The following RAB5IF variants were observed in gnomAD, a reference collection of about 807,000 sequenced individuals.
RAB5IF encodes the protein GEL complex subunit OPTI.
A neutral mutation model predicts 20.3 loss-of-function variants in RAB5IF; 15 were observed. That is an observed-to-expected ratio of 0.74 (90% confidence interval 0.50 to 1.14). RAB5IF has a LOEUF of 1.14. Among genes scored for constraint, RAB5IF ranks in the 50% most tolerant of loss-of-function variants. The pLI is 0.00. For missense variants in RAB5IF, 148 were observed against 159.5 expected (o/e 0.93, Z 0.39); for synonymous variants, 67 against 63.7 (o/e 1.05, Z -0.25).
At position 36,607,797 on chromosome 20, in the gene RAB5IF, G is replaced by A. The variant is rs769890443; in HGVS notation, c.197G>A (p.Arg66Gln). The A allele has an allele frequency of 9.3e-6, 15 of 1,613,904 alleles. No individual in the cohort carries two copies. Among genetic ancestry groups the A allele is most frequent in the South Asian group, 4.4e-5 (4 of 91,066 alleles). ...GTCATTTGGGGAGTTTTGCCATTAC[G>A]AGGGTTCTTGGGAATAGCAGGGTAA... ...LGVIWGVLPL[R>Q]GFLGIAGFCL... Residue 66 changes from arginine (R) to glutamine (Q), a missense_variant, in exon 2 of 4, where the codon CGA (arginine) becomes CAA (glutamine). Coordinates refer to ENST00000344795, the MANE Select transcript of RAB5IF (RefSeq NM_018840.5).
chr20:36,607,712 C>T lies in RAB5IF; in HGVS notation c.115-3C>T. The T allele has an allele frequency of 6.2e-7, 1 of 1,613,748 alleles. No individual in the cohort carries two copies. Among genetic ancestry groups the T allele is most frequent in the South Asian group, 1.1e-5 (1 of 91,054 alleles). On this transcript the variant is annotated splice_polypyrimidine_tract_variant and splice_region_variant and intron_variant, in intron 1 of 3. Transcript: ENST00000344795. ...ATTCTTGCATTTTCTGTCTTTTCTA[C>T]AGGATGAATTTTTAGATGTGATCTA...
At chr20:36,606,219 G>T (rs555748221) in intron 1 of RAB5IF, among the ~76,000 whole-genome samples, 154 bp downstream of exon 1, 1 of 152,302 alleles carries the variant, frequency 6.6e-6, no homozygotes, top group East Asian at 1.9e-4. Context: ...AACTTGGCGG[G>T]CACTGGGCGG....
In RAB5IF at chr20:36,612,145, G is replaced by T; in HGVS notation, c.*94G>T. On this transcript the variant is annotated 3_prime_UTR_variant, in exon 4 of 4. Coordinates refer to ENST00000344795, the MANE Select transcript of RAB5IF (RefSeq NM_018840.5). ...ATCGTTGGGGAACCCCAGCCCCTTGGAACTTGGAAGACCCGTGTTTCCTGG... is the reference window on the plus strand; with the variant it reads ...ATCGTTGGGGAACCCCAGCCCCTTGTAACTTGGAAGACCCGTGTTTCCTGG... 6.2e-7 allele frequency: 1 copy of T among 1,614,164 alleles called. No homozygotes were observed. The highest frequency in any genetic ancestry group is 8.5e-7 in the Non-Finnish European group (1 of 1,180,020).
At position 36,609,192 on chromosome 20, in the gene RAB5IF, CA is replaced by C. The variant is rs2039025129; in HGVS notation, c.219-408del. On this transcript the variant is annotated intron_variant, in intron 2 of 3. Coordinates refer to ENST00000344795, the MANE Select transcript of RAB5IF (RefSeq NM_018840.5). ...ACACACACACACACACACACACACACACGCACACACGCACACACGCACACAC... is the reference window on the plus strand; with the variant it reads ...ACACACACACACACACACACACACACCGCACACACGCACACACGCACACAC... Among the ~76,000 whole-genome samples, 2 of 52,242 alleles carry C rather than the reference CA, an allele frequency of 3.8e-5. 1 individual carries two copies. The highest frequency in any genetic ancestry group is 7.3e-5 in the Non-Finnish European group (2 of 27,534). The allele number at this position is 52,242 out of a possible 152,430, so 34.3% of individuals were successfully genotyped here. A position where few individuals can be genotyped will look rare whatever the true frequency, so the allele number is the denominator to read the frequency against.
rs539455523 is a variant in RAB5IF at position 36,609,385 on chromosome 20, G to A, written c.219-216G>A. On this transcript the variant is annotated intron_variant, in intron 2 of 3. Coordinates refer to ENST00000344795, the MANE Select transcript of RAB5IF (RefSeq NM_018840.5). Reference sequence around the variant, plus strand: ...CTCCTGAGCAGCTGGGATTACAGGCGCCCACCACAATGCCCTGCTAGTTTT... The same window carrying A: ...CTCCTGAGCAGCTGGGATTACAGGCACCCACCACAATGCCCTGCTAGTTTT... Among the ~76,000 whole-genome samples, 821 of 151,614 alleles carry A rather than the reference G, an allele frequency of 5.4e-3. 4 individuals carry two copies. Among genetic ancestry groups the A allele is most frequent in the Non-Finnish European group, 8.5e-3 (574 of 67,846 alleles).
chr20:36,608,556 CTTTTTTTTTTTT>C (rs34058641), intron 2 of RAB5IF, among the ~76,000 whole-genome samples: 1 of 104,888 alleles, frequency 9.5e-6, no homozygotes, highest in Non-Finnish European at 2.0e-5. Context: ...CGGTCTCATT[CTTTTTTTTTTTT>C]TTTTTTTTTT....
intron 3 of RAB5IF, among the ~76,000 whole-genome samples, chr20:36,610,422 C>T (rs2039079660): frequency 6.6e-6 from 1 of 152,068 alleles, no homozygotes; most frequent in South Asian, 2.1e-4. Context: ...AATGAAGTGG[C>T]CGGGCGCGGT....
chr20:36,606,057 G>A lies in RAB5IF; in HGVS notation c.106G>A (p.Glu36Lys). Reference sequence around the variant, plus strand: ...GGTGCTGCGGAGCGACGCGGCCTGGGAGGATAAGGTACGGTGGAGTCTGAA... The same window carrying A: ...GGTGCTGCGGAGCGACGCGGCCTGGAAGGATAAGGTACGGTGGAGTCTGAA... ...SKVLRSDAAW[E>K]DKDEFLDVIY... Residue 36 changes from glutamate to lysine, a missense_variant, in exon 1 of 4, where the codon GAG becomes AAG. Physicochemically the swap from Glu to Lys is moderately conservative, Grantham distance 56. Coordinates refer to ENST00000344795, the MANE Select transcript of RAB5IF (RefSeq NM_018840.5). The A allele has an allele frequency of 6.6e-7, 1 of 1,509,944 alleles. No homozygotes were observed. Among genetic ancestry groups the A allele is most frequent in the Admixed American group, 2.1e-5 (1 of 47,868 alleles). 93.5% of individuals were successfully genotyped at this position (1,509,944 alleles called of 1,614,324 possible). A position where few individuals can be genotyped will look rare whatever the true frequency, so the allele number is the denominator to read the frequency against.
chr20:36,609,219 G>GCACACACGCACACACA (rs2039034627), intron 2 of RAB5IF, among the ~76,000 whole-genome samples: 1 of 42,774 alleles, frequency 2.3e-5, no homozygotes, highest in Non-Finnish European at 4.4e-5. Context: ...ACGCACACAC[G>GCACACACGCACACACA]CACACACACA....
intron 1 of RAB5IF, among the ~76,000 whole-genome samples, 170 bp downstream of exon 1, chr20:36,606,235 TGGGC>T: frequency 6.6e-6 from 1 of 152,190 alleles, no homozygotes; most frequent in African/African-American, 2.4e-5. Context: ...GGCGGACAGC[TGGGC>T]TTGGAGCTCC....
rs1464308137 is a variant in RAB5IF at position 36,606,026 on chromosome 20, G to A, written c.75G>A (p.Trp25Ter). The A allele has an allele frequency of 1.3e-6, 2 of 1,528,484 alleles. No individual in the cohort carries two copies. Among genetic ancestry groups the A allele is most frequent in the Non-Finnish European group, 8.8e-7 (1 of 1,134,394 alleles). The allele number at this position is 1,528,484 out of a possible 1,614,324, so 94.7% of individuals were successfully genotyped here. A position where few individuals can be genotyped will look rare whatever the true frequency, so the allele number is the denominator to read the frequency against. Residue 25 changes from tryptophan to a stop codon, truncating the protein, a stop_gained, in exon 1 of 4, where the codon TGG becomes TGA. Coordinates refer to ENST00000344795, the MANE Select transcript of RAB5IF (RefSeq NM_018840.5). LOFTEE classifies it high-confidence loss of function. ...ACGGGGCCCTCAAAGTCTCCGTCTG[G>A]AGTAAGGTGCTGCGGAGCGACGCGG... ...LANGALKVSV[W>*]SKVLRSDAAW...
At chr20:36,610,973 A>G (rs890054141) in intron 3 of RAB5IF, among the ~76,000 whole-genome samples, 2 of 152,276 alleles carry the variant, frequency 1.3e-5, no homozygotes, top group East Asian at 1.9e-4. Flanking sequence ...AACTGTTCCT[A>G]TACAGAAAGC....
intron 1 of RAB5IF, 104 bp from the exon 2 acceptor site, chr20:36,607,611 C>G: frequency 7.1e-7 from 1 of 1,406,106 alleles, no homozygotes; most frequent in Non-Finnish European, 9.8e-7. Context: ...TGGGGGGAAA[C>G]AAATTTCCTG....
rs2039142821 is a variant in RAB5IF, at chr20:36,612,244, C to T, written c.*193C>T. 16 of 1,606,654 alleles carry T rather than the reference C, an allele frequency of 1.0e-5. No homozygotes were observed. Among genetic ancestry groups the T allele is most frequent in the Non-Finnish European group, 1.4e-5 (16 of 1,173,296 alleles). On this transcript the variant is annotated 3_prime_UTR_variant, in exon 4 of 4. Transcript: ENST00000344795. Reference sequence around the variant, plus strand: ...CCTGAAACTTTTTAAAAACCACCCACCTTTGGGGAAGCATTTCTGAATTTA... The same window carrying T: ...CCTGAAACTTTTTAAAAACCACCCATCTTTGGGGAAGCATTTCTGAATTTA...
intron 3 of RAB5IF, among the ~76,000 whole-genome samples, chr20:36,611,005 T>G (rs2039099063): frequency 6.6e-6 from 1 of 152,180 alleles, no homozygotes; most frequent in Non-Finnish European, 1.5e-5. Context: ...ACGCTTTATT[T>G]TTTTGACACA....
chr20:36,606,215 GCGGGCAC>G, intron 1 of RAB5IF, 150 bp downstream of exon 1: 1 of 460,228 alleles, frequency 2.2e-6, no homozygotes, highest in African/African-American at 2.0e-5. Flanking sequence ...AGCAAACTTG[GCGGGCAC>G]TGGGCGGACA....
intron 1 of RAB5IF, among the ~76,000 whole-genome samples, 173 bp downstream of exon 1, chr20:36,606,238 G>T (rs1296346543): frequency 6.6e-6 from 1 of 152,226 alleles, no homozygotes; most frequent in African/African-American, 2.4e-5. Context: ...GGACAGCTGG[G>T]CTTGGAGCTC....
chr20:36,612,048 C>G lies in RAB5IF; in HGVS notation c.387C>G (p.Asp129Glu), dbSNP rs1568597537. Residue 129 changes from aspartate (D) to glutamate (E), a missense_variant, in exon 4 of 4, where the codon GAC becomes GAG. Physicochemically the swap from Asp to Glu is conservative, Grantham distance 45. Transcript: ENST00000344795. Reference protein sequence around the residue: ...WIIFYTAIHYD With the variant: ...WIIFYTAIHYE ...TCTTTTACACTGCCATCCATTATGA[C>G]TGATGGTGTACAGCTCCCAAGTGCT... 6.2e-7 allele frequency: 1 copy of G among 1,614,068 alleles called. No homozygotes were observed. The highest frequency in any genetic ancestry group is 8.5e-7 in the Non-Finnish European group (1 of 1,180,050).
In RAB5IF at chr20:36,612,489, G is replaced by T; in HGVS notation, c.*438G>T. ...CGTGGTCCATAGCACAGTACATGCA[G>T]CATCTAATAAGAGTTTCCATTGTAG... On this transcript the variant is annotated 3_prime_UTR_variant, in exon 4 of 4. Transcript: ENST00000344795. The T allele has an allele frequency of 2.0e-6, 1 of 508,906 alleles. No individual in the cohort carries two copies. Among genetic ancestry groups the T allele is most frequent in the Non-Finnish European group, 3.6e-6 (1 of 280,578 alleles). The allele number at this position is 508,906 out of a possible 1,614,324, so 31.5% of individuals were successfully genotyped here. A position where few individuals can be genotyped will look rare whatever the true frequency, so the allele number is the denominator to read the frequency against.
Sources: allele counts gnomAD v4.1 joint callset (sites outside exome capture counted in the v4.1 genomes callset), GRCh38; gene constraint gnomAD v4.1.1; transcripts MANE v1.5; gene names NCBI Gene and HGNC (gene_info 2026-07-23, HGNC 2026-07-21).